The following PDE1C variants were observed in gnomAD, a reference collection of about 807,000 sequenced individuals.
PDE1C encodes the protein dual specificity calcium/calmodulin-dependent 3',5'-cyclic nucleotide phosphodiesterase 1C.
PDE1C carries 62 observed loss-of-function variants against 93.1 expected under a neutral mutation model. That is an observed-to-expected ratio of 0.67 (90% CI 0.54 to 0.82). The LOEUF is 0.82. Ranked by LOEUF, PDE1C falls within the 40% of genes least tolerant of loss-of-function variation. PDE1C has a pLI of 0.00. For missense variants in PDE1C, 742 were observed against 884.6 expected, an observed-to-expected ratio of 0.84 and a Z score of 2.04; for synonymous variants, 325 against 310.1, an observed-to-expected ratio of 1.05 and a Z score of -0.50.
intron 3 of PDE1C, among the ~76,000 whole-genome samples, chr7:32,112,804 A>ATG (rs150245670): frequency 0.099 from 6,443 of 64,944 alleles, 161 homozygotes; most frequent in East Asian, 0.16. Flanking sequence ...ATATACATAT[A>ATG]TGTGTGTGTG....
intron 12 of PDE1C, among the ~76,000 whole-genome samples, chr7:31,825,252 G>C (rs1196850878): frequency 6.6e-6 from 1 of 152,160 alleles, no homozygotes; most frequent in Non-Finnish European, 1.5e-5. Flanking sequence ...ACTGTGATAA[G>C]AGCTGTGTAA....
chr7:32,379,752 T>C (rs913745394), intron 1 of PDE1C, among the ~76,000 whole-genome samples: 4 of 152,232 alleles, frequency 2.6e-5, no homozygotes, highest in African/African-American at 9.6e-5. Context: ...TTTCTGATAA[T>C]AAGTTCATCA....
At chr7:32,025,545 C>T (rs1477083551) in intron 2 of PDE1C, among the ~76,000 whole-genome samples, 1 of 152,080 alleles carries the variant, frequency 6.6e-6, no homozygotes, top group Non-Finnish European at 1.5e-5. Context: ...GACAGAAAAC[C>T]TGAGGAGGCT....
At chr7:32,000,186 G>A (rs776740847) in intron 2 of PDE1C, among the ~76,000 whole-genome samples, 1 of 152,152 alleles carries the variant, frequency 6.6e-6, no homozygotes, top group African/African-American at 2.4e-5. Context: ...GCTCAGGAAA[G>A]GGGGGAGCCT....
At chr7:31,787,035 A>G (rs944468488) in intron 16 of PDE1C, 1 of 152,174 alleles carries the variant, frequency 6.6e-6, no homozygotes, top group African/African-American at 2.4e-5. Context: ...TAAAATAAAC[A>G]GTATCCATAC....
intron 14 of PDE1C, among the ~76,000 whole-genome samples, chr7:31,818,495 C>A (rs1788542585): frequency 6.6e-6 from 1 of 152,186 alleles, no homozygotes; most frequent in Non-Finnish European, 1.5e-5. Context: ...ATGAAATGTA[C>A]CCTACGGGTG....
intron 17 of PDE1C, among the ~76,000 whole-genome samples, chr7:31,773,392 G>T (rs748150846): frequency 6.6e-6 from 1 of 152,046 alleles, no homozygotes; most frequent in Non-Finnish European, 1.5e-5. Context: ...TGGGTCCCAG[G>T]ACAGCTCTGC....
intron 16 of PDE1C, chr7:31,784,487 C>T (rs1783711009): frequency 6.6e-6 from 1 of 152,088 alleles, no homozygotes; most frequent in South Asian, 2.1e-4. Context: ...ATACGAATTG[C>T]ATGGAACAAG....
chr7:32,323,900 G>A (rs215630), intron 1 of PDE1C, among the ~76,000 whole-genome samples: 1 of 151,958 alleles, frequency 6.6e-6, no homozygotes, highest in African/African-American at 2.4e-5. Flanking sequence ...AATACAACCT[G>A]TCCCATCGCA....
intron 1 of PDE1C, among the ~76,000 whole-genome samples, chr7:32,343,544 T>G (rs571044054): frequency 1.4e-4 from 21 of 152,342 alleles, no homozygotes; most frequent in African/African-American, 4.3e-4. Flanking sequence ...CATGGAGAGA[T>G]AGTTCTTTGA....
intron 7 of PDE1C, among the ~76,000 whole-genome samples, chr7:31,851,092 ACACACACAT>A (rs1346712529): frequency 4.9e-3 from 15 of 3,034 alleles, no homozygotes; most frequent in Non-Finnish European, 0.017. Flanking sequence ...ACACACACAC[ACACACACAT>A]AAAAAAATTA....
intron 1 of PDE1C, among the ~76,000 whole-genome samples, chr7:32,275,741 A>C (rs1160102970): frequency 6.6e-6 from 1 of 152,136 alleles, no homozygotes; most frequent in Non-Finnish European, 1.5e-5. Flanking sequence ...AGGGCAATGA[A>C]ATTAAGTGAA....
intron 16 of PDE1C, among the ~76,000 whole-genome samples, chr7:31,777,594 T>C (rs1017425288): frequency 6.6e-6 from 1 of 152,138 alleles, no homozygotes; most frequent in Admixed American, 6.5e-5. Context: ...CTCAAAGTGC[T>C]GGGATTACAG....
At position 31,751,468 on chromosome 7, in the gene PDE1C, G is replaced by C. The variant is rs1171794300; in HGVS notation, c.*1916C>G. Reference sequence around the variant, plus strand: ...ATGGAAGGTATTGACAGATAGGTAGGGAACATTATTTGAGGAGGCTACTAC... The same window carrying C: ...ATGGAAGGTATTGACAGATAGGTAGCGAACATTATTTGAGGAGGCTACTAC... On this transcript the variant is annotated 3_prime_UTR_variant, in exon 18 of 18. Transcript: ENST00000396191. 1 of 152,140 alleles carries C rather than the reference G, an allele frequency of 6.6e-6. No homozygotes were observed. Among genetic ancestry groups the C allele is most frequent in the Non-Finnish European group, 1.5e-5 (1 of 68,030 alleles). The allele number at this position is 152,140 out of a possible 1,614,324, so 9.4% of individuals were successfully genotyped here.
intron 3 of PDE1C, among the ~76,000 whole-genome samples, chr7:32,145,406 G>A (rs2128783979): frequency 6.6e-6 from 1 of 152,282 alleles, no homozygotes; most frequent in South Asian, 2.1e-4. Flanking sequence ...CCCATTAGCT[G>A]TGTCACTTGC....
chr7:31,730,190 A>G, the PDE1C span, among the ~76,000 whole-genome samples: 1 of 152,172 alleles, frequency 6.6e-6, no homozygotes, highest in African/African-American at 2.4e-5. Context: ...ACGTGTTTAC[A>G]CTAATTAGGT....
At chr7:31,642,573 A>T in the PDE1C span, 3 of 980,684 alleles carry the variant, frequency 3.1e-6, no homozygotes, top group Non-Finnish European at 4.4e-6. Context: ...TGATGTTGCA[A>T]CCCTTATCTC....
chr7:31,669,070 T>A, the PDE1C span, among the ~76,000 whole-genome samples: 1 of 152,252 alleles, frequency 6.6e-6, no homozygotes, highest in African/African-American at 2.4e-5. Flanking sequence ...ATTTTGAATG[T>A]AATGAGAAGT....
chr7:31,888,249 C>CAAAAAAAAAAAAAA (rs34112969), intron 2 of PDE1C, among the ~76,000 whole-genome samples: 1 of 44,208 alleles, frequency 2.3e-5, no homozygotes, highest in East Asian at 9.4e-4. Context: ...GACTCAGTCT[C>CAAAAAAAAAAAAAA]AAAAAAAAAA....
Sources: allele counts gnomAD v4.1 joint callset (sites outside exome capture counted in the v4.1 genomes callset), GRCh38; gene constraint gnomAD v4.1.1; transcripts MANE v1.5; gene names NCBI Gene and HGNC (gene_info 2026-07-23, HGNC 2026-07-21).